Variants in CPVL observed in about 807,000 individuals in gnomAD.
The protein encoded by CPVL is carboxypeptidase vitellogenic like.
In CPVL, 51 loss-of-function variants were observed where a neutral mutation model predicts 63.7. The ratio of observed to expected loss-of-function variants is 0.80; its 90% CI spans 0.64 to 1.01. The LOEUF (loss-of-function observed/expected upper bound fraction) is 1.01. CPVL is among the 50% of genes least tolerant of loss of function. The pLI is 0.00. For synonymous variants in CPVL, 195 were observed against 206.0 expected (o/e 0.95, Z 0.46); for missense variants, 530 against 573.1 (o/e 0.92, Z 0.77).
At chr7:29,103,378 T>A (rs1345180545) in intron 3 of CPVL, among the ~76,000 whole-genome samples, 1 of 151,116 alleles carries the variant, frequency 6.6e-6, no homozygotes, top group African/African-American at 2.4e-5. Context: ...CCTGAGTAGC[T>A]GGGATTAGAG....
intron 11 of CPVL, among the ~76,000 whole-genome samples, chr7:29,044,883 T>G (rs1212349685): frequency 2.6e-5 from 4 of 152,212 alleles, no homozygotes. Context: ...TCTTTCTCTC[T>G]GAACCACTCT....
At chr7:29,150,730 T>C (rs890439904), upstream of CPVL, among the ~76,000 whole-genome samples, 1 of 152,230 alleles carries the variant, frequency 6.6e-6, no homozygotes, top group Non-Finnish European at 1.5e-5. Context: ...GGTCTCTCCC[T>C]GCACTTGTCA....
At chr7:29,034,430 T>C (rs994048367) in intron 11 of CPVL, among the ~76,000 whole-genome samples, 4 of 152,126 alleles carry the variant, frequency 2.6e-5, no homozygotes, top group Admixed American at 2.6e-4. Context: ...TTTTTATTTA[T>C]TGATTTATTT....
chr7:29,065,689 G>A (rs1320896215), intron 10 of CPVL, among the ~76,000 whole-genome samples: 1 of 152,162 alleles, frequency 6.6e-6, no homozygotes, highest in Non-Finnish European at 1.5e-5. Flanking sequence ...CTCGTAAACA[G>A]ACTTGAAGCT....
intron 11 of CPVL, among the ~76,000 whole-genome samples, chr7:29,056,944 CTTTT>C (rs1790794443): frequency 1.0e-5 from 1 of 97,330 alleles, no homozygotes; most frequent in Non-Finnish European, 2.2e-5. Flanking sequence ...ACATCTTTTC[CTTTT>C]CTTTTTTTTT....
At chr7:29,004,022 A>T (rs918394370) in intron 12 of CPVL, among the ~76,000 whole-genome samples, 20 of 152,220 alleles carry the variant, frequency 1.3e-4, no homozygotes, top group Admixed American at 5.2e-4. Flanking sequence ...CCCCTGTTGT[A>T]AGGTACACTT....
intron 2 of CPVL, among the ~76,000 whole-genome samples, chr7:29,119,562 T>C (rs949475485): frequency 2.6e-5 from 4 of 152,114 alleles, no homozygotes; most frequent in African/African-American, 9.7e-5. Flanking sequence ...GTGATACCTT[T>C]TTTCCTATTG....
At chr7:29,178,407 G>A (rs1258922837) in intron 5 of CPVL, among the ~76,000 whole-genome samples, 1 of 151,874 alleles carries the variant, frequency 6.6e-6, no homozygotes, top group Non-Finnish European at 1.5e-5. Context: ...TTCCTTTGAC[G>A]CCAGCTCCAC....
At chr7:29,045,278 C>G (rs1011548772) in intron 11 of CPVL, among the ~76,000 whole-genome samples, 1 of 151,942 alleles carries the variant, frequency 6.6e-6, no homozygotes, top group Non-Finnish European at 1.5e-5. Flanking sequence ...TCAAAAAAGC[C>G]CAGAAGTATG....
In CPVL at chr7:29,041,756, TAGTCA is replaced by T. The variant is rs1198374512; in HGVS notation, c.1138-11002_1138-10998del. Among the ~76,000 whole-genome samples, 3 of 152,204 alleles carry T rather than the reference TAGTCA, an allele frequency of 2.0e-5. 1 individual carries two copies. The highest frequency in any genetic ancestry group is 1.5e-5 in the Non-Finnish European group (1 of 68,040). ...GTATTATAAGCACTTAAAATGTGGC[TAGTCA>T]AAATTGTTATGTGCATCTAAGATAC... On this transcript the variant is annotated intron_variant, in intron 11 of 12. Transcript: ENST00000265394.
In CPVL at chr7:29,120,846, T is replaced by A. The variant is rs1789295385; in HGVS notation, c.169+47A>T. The A allele has an allele frequency of 4.3e-6, 6 of 1,381,670 alleles. No individual in the cohort carries two copies. In the Admixed American group the frequency reaches 1.2e-4, roughly 29 times the overall value. The allele number at this position is 1,381,670 out of a possible 1,614,324, so 85.6% of individuals were successfully genotyped here. On this transcript the variant is annotated intron_variant, in intron 2 of 12. Transcript: ENST00000265394. ...AAAAAAAAAAAAAAAAAAGAGAAAC[T>A]GTTGAACTCATGCCAGTGGTTTTCT...
intron 7 of CPVL, among the ~76,000 whole-genome samples, 164 bp downstream of exon 7, chr7:29,086,320 G>A (rs554036797): frequency 1.3e-5 from 2 of 151,552 alleles, no homozygotes; most frequent in South Asian, 4.2e-4. Context: ...TATATGAAGG[G>A]CATTTTGATA....
chr7:29,151,308 T>C (rs1227534988), upstream of CPVL, among the ~76,000 whole-genome samples: 1 of 152,210 alleles, frequency 6.6e-6, no homozygotes, highest in Non-Finnish European at 1.5e-5. Context: ...CAAATTAATC[T>C]ACGTCTTTTG....
intron 11 of CPVL, among the ~76,000 whole-genome samples, chr7:29,063,466 T>A (rs1562748678): frequency 6.6e-6 from 1 of 152,262 alleles, no homozygotes; most frequent in Non-Finnish European, 1.5e-5. Context: ...GTCATCTTTT[T>A]GGCTCTGCAA....
upstream of CPVL, chr7:29,195,349 C>T (rs571999031): frequency 5.9e-5 from 15 of 255,360 alleles, no homozygotes; most frequent in East Asian, 1.2e-3. Context: ...TGAAGCAGAG[C>T]GCCCCGACCT....
chr7:29,044,797 T>C (rs1304288857), intron 11 of CPVL, among the ~76,000 whole-genome samples: 2 of 152,206 alleles, frequency 1.3e-5, no homozygotes, highest in African/African-American at 4.8e-5. Context: ...AGCAACTGAA[T>C]TTAAATATAC....
At chr7:29,151,387 T>G (rs1280079762), upstream of CPVL, among the ~76,000 whole-genome samples, 2 of 152,212 alleles carry the variant, frequency 1.3e-5, no homozygotes, top group African/African-American at 4.8e-5. Flanking sequence ...GTTAAGGCTT[T>G]CTTACAAAAG....
intron 5 of CPVL, among the ~76,000 whole-genome samples, chr7:29,171,695 C>A (rs1225119503): frequency 6.6e-6 from 1 of 152,108 alleles, no homozygotes; most frequent in Non-Finnish European, 1.5e-5. Context: ...CAGGCTAAAT[C>A]CAAGCATATG....
chr7:29,105,640 A>G (rs1787648747), intron 3 of CPVL, among the ~76,000 whole-genome samples: 1 of 152,154 alleles, frequency 6.6e-6, no homozygotes, highest in Admixed American at 6.5e-5. Flanking sequence ...CCACAGAGTC[A>G]TTTTAATTTT....
Sources: gnomAD v4.1 joint callset for allele counts (sites outside exome capture counted in the v4.1 genomes callset) on GRCh38, gnomAD v4.1.1 for gene constraint, MANE v1.5 for transcripts, NCBI Gene and HGNC (gene_info 2026-07-23, HGNC 2026-07-21) for gene names.